CDH13: variants seen among roughly 807,000 people sequenced by gnomAD.
CDH13 encodes cadherin 13, also known as cadherin-13.
Under a neutral mutation model 63.8 loss-of-function variants are expected in CDH13, and 24 were observed. The observed-to-expected ratio is 0.38, with a 90% CI of 0.27 to 0.53. CDH13 has a LOEUF of 0.53. Ranked by LOEUF, CDH13 falls within the 20% of genes least tolerant of loss-of-function variation. CDH13 has a pLI of 0.85. For synonymous variants in CDH13, 503 were observed against 355.3 expected (o/e 1.42, Z -4.67); for missense variants, 1,049 against 903.1 (o/e 1.16, Z -2.07).
At chr16:83,152,318 T>G (rs564964343) in intron 4 of CDH13, among the ~76,000 whole-genome samples, 1 of 152,194 alleles carries the variant, frequency 6.6e-6, no homozygotes, top group Non-Finnish European at 1.5e-5. Flanking sequence ...TGGACTACTA[T>G]GCAATCATTA....
intron 7 of CDH13, among the ~76,000 whole-genome samples, chr16:83,489,232 T>C (rs2073957733): frequency 6.6e-6 from 1 of 152,218 alleles, no homozygotes; most frequent in African/African-American, 2.4e-5. Flanking sequence ...AGGGGACAAA[T>C]GTGTTTCCAG....
chr16:82,925,458 C>G (rs2042274185), intron 2 of CDH13, among the ~76,000 whole-genome samples: 1 of 152,234 alleles, frequency 6.6e-6, no homozygotes, highest in Admixed American at 6.5e-5. Context: ...TTATGTCAAT[C>G]AGCATTGCCC....
chr16:83,704,172 C>G (rs1906663584), intron 10 of CDH13, among the ~76,000 whole-genome samples: 1 of 152,086 alleles, frequency 6.6e-6, no homozygotes, highest in East Asian at 1.9e-4. Flanking sequence ...CCAGTGTGGT[C>G]TGGAGGAGAA....
chr16:82,726,579 T>A (rs28374534), intron 1 of CDH13, among the ~76,000 whole-genome samples: 45,525 of 152,146 alleles, frequency 0.3, 7,197 homozygotes, highest in South Asian at 0.39. Flanking sequence ...CTGTTGCAGC[T>A]TATTTCAAGC....
intron 2 of CDH13, among the ~76,000 whole-genome samples, chr16:82,905,140 G>A (rs755943252): frequency 5.3e-5 from 8 of 152,160 alleles, no homozygotes; most frequent in Non-Finnish European, 1.2e-4. Flanking sequence ...AATGAGCCAC[G>A]GCTGCTGACA....
At chr16:83,493,947 A>G (rs1330470522) in intron 7 of CDH13, among the ~76,000 whole-genome samples, 2 of 152,238 alleles carry the variant, frequency 1.3e-5, no homozygotes, top group Non-Finnish European at 2.9e-5. Context: ...ACTTGAATCT[A>G]AATTCTGAGC....
chr16:82,792,686 G>A (rs1408737857), intron 1 of CDH13, among the ~76,000 whole-genome samples: 1 of 152,144 alleles, frequency 6.6e-6, no homozygotes, highest in African/African-American at 2.4e-5. Flanking sequence ...TCGGTACATG[G>A]CTCTGTACTC....
intron 10 of CDH13, among the ~76,000 whole-genome samples, chr16:83,694,414 C>G (rs951519689): frequency 7.2e-5 from 11 of 152,126 alleles, no homozygotes. Flanking sequence ...GGTTGGGATG[C>G]TATGAGGGAT....
chr16:83,108,778 G>C (rs955615283), intron 3 of CDH13, among the ~76,000 whole-genome samples: 1 of 152,056 alleles, frequency 6.6e-6, no homozygotes, highest in Admixed American at 6.5e-5. Context: ...GCATTTATTT[G>C]CCTTATCACA....
intron 4 of CDH13, among the ~76,000 whole-genome samples, chr16:83,192,688 G>A (rs555512027): frequency 7.6e-4 from 115 of 152,214 alleles, no homozygotes; most frequent in African/African-American, 1.9e-3. Flanking sequence ...AGGTGTTTGC[G>A]TGCTGTATCA....
chr16:82,872,747 C>G (rs1212476582), intron 2 of CDH13, among the ~76,000 whole-genome samples: 3 of 152,304 alleles, frequency 2.0e-5, no homozygotes, highest in Admixed American at 1.3e-4. Context: ...AATTCATTCT[C>G]CTTCTGGAGA....
At chr16:83,590,653 T>G (rs946871014) in intron 7 of CDH13, among the ~76,000 whole-genome samples, 1 of 152,198 alleles carries the variant, frequency 6.6e-6, no homozygotes, top group African/African-American at 2.4e-5. Context: ...TGATTTTCAT[T>G]TTTCATTTAA....
At chr16:83,346,286 G>A (rs559390983) in intron 6 of CDH13, among the ~76,000 whole-genome samples, 12 of 152,198 alleles carry the variant, frequency 7.9e-5, no homozygotes, top group East Asian at 5.8e-4. Flanking sequence ...GACAATCCAC[G>A]TGGCCCCTCT....
At chr16:83,197,747 C>CA (rs1289007532) in intron 4 of CDH13, among the ~76,000 whole-genome samples, 2 of 151,800 alleles carry the variant, frequency 1.3e-5, no homozygotes, top group Admixed American at 6.6e-5. Context: ...GATAAAACTG[C>CA]AAAAAACTAA....
rs554087838 is a variant in CDH13 at position 83,068,789 on chromosome 16, A to G, written c.366+36571A>G. On this transcript the variant is annotated intron_variant, in intron 3 of 13. Transcript: ENST00000567109. ...TAAGTCTGCAAGTTCATGGAGTGCA[A>G]GGGCTGTGGACACCCTGCTTGCCAA... 2.8e-3 allele frequency among the ~76,000 whole-genome samples: 422 copies of G among 152,300 alleles called. 2 individuals carry two copies. The highest frequency in any genetic ancestry group is 9.7e-3 in the African/African-American group (404 of 41,574).
chr16:82,914,292 T>C (rs1040609678), intron 2 of CDH13, among the ~76,000 whole-genome samples: 1 of 152,188 alleles, frequency 6.6e-6, no homozygotes, highest in Non-Finnish European at 1.5e-5. Flanking sequence ...GTCCTAACTG[T>C]GTGTCCTATA....
intron 1 of CDH13, among the ~76,000 whole-genome samples, chr16:82,722,345 G>C (rs971318564): frequency 3.3e-5 from 5 of 152,052 alleles, no homozygotes; most frequent in Non-Finnish European, 7.4e-5. Context: ...TCTCAGGCAG[G>C]GTCTTCCCAT....
intron 1 of CDH13, among the ~76,000 whole-genome samples, chr16:82,740,980 G>GT (rs1333494768): frequency 6.6e-6 from 1 of 152,098 alleles, no homozygotes; most frequent in African/African-American, 2.4e-5. Context: ...ATTTTTAAAA[G>GT]TAAGTGTATT....
At chr16:82,810,806 T>C (rs1315796642) in intron 1 of CDH13, among the ~76,000 whole-genome samples, 1 of 151,744 alleles carries the variant, frequency 6.6e-6, no homozygotes, top group African/African-American at 2.4e-5. Flanking sequence ...TTGTAGGTGA[T>C]GGGAAGGATT....
Sources: gnomAD v4.1 joint callset for allele counts (sites outside exome capture counted in the v4.1 genomes callset) on GRCh38, gnomAD v4.1.1 for gene constraint, MANE v1.5 for transcripts, NCBI Gene and HGNC (gene_info 2026-07-23, HGNC 2026-07-21) for gene names.